The following FNDC3A variants were observed in gnomAD, a reference collection of about 807,000 sequenced individuals.
FNDC3A encodes fibronectin type-III domain-containing protein 3A.
A neutral mutation model predicts 148.9 loss-of-function variants in FNDC3A; 32 were observed. That is an observed-to-expected ratio of 0.21 (90% confidence interval 0.16 to 0.29). The LOEUF (loss-of-function observed/expected upper bound fraction) is 0.29. Ranked by LOEUF, FNDC3A falls within the 10% of genes least tolerant of loss-of-function variation. The pLI, the probability that FNDC3A is intolerant of heterozygous loss-of-function variation, is 1.00. For missense variants in FNDC3A, 1,191 were observed against 1,452.8 expected (o/e 0.82, Z 2.93); for synonymous variants, 472 against 473.6 (o/e 1.00, Z 0.04).
At chr13:49,091,365 G>T (rs1879181196) in intron 3 of FNDC3A, among the ~76,000 whole-genome samples, 4 of 151,590 alleles carry the variant, frequency 2.6e-5, no homozygotes. Flanking sequence ...AACAACTCCT[G>T]GGGCTGTGAA....
chr13:48,984,957 C>T (rs1951761362), intron 1 of FNDC3A, among the ~76,000 whole-genome samples: 1 of 152,184 alleles, frequency 6.6e-6, no homozygotes, highest in Non-Finnish European at 1.5e-5. Context: ...GCTGTGATTA[C>T]AGGCGTGAGC....
chr13:49,129,442 G>T (rs1344317297), intron 4 of FNDC3A, among the ~76,000 whole-genome samples: 2 of 152,178 alleles, frequency 1.3e-5, no homozygotes, highest in African/African-American at 4.8e-5. Flanking sequence ...TTTAAGATTT[G>T]TGAATTGGAG....
intron 14 of FNDC3A, among the ~76,000 whole-genome samples, chr13:49,181,030 ATGATCG>A (rs1236252219): frequency 6.6e-6 from 1 of 152,212 alleles, no homozygotes; most frequent in Non-Finnish European, 1.5e-5. Flanking sequence ...GTAGTGAGCT[ATGATCG>A]TGTCACTGCA....
chr13:49,081,968 CT>C (rs11332071), intron 3 of FNDC3A, among the ~76,000 whole-genome samples: 138,289 of 144,614 alleles, frequency 0.96, 66,267 homozygotes, highest in Non-Finnish European at 0.99. Context: ...AAATCAGTAC[CT>C]TTTTTTTTTT....
At chr13:49,187,805 C>A in intron 16 of FNDC3A, 1 of 637,292 alleles carries the variant, frequency 1.6e-6, no homozygotes, top group Non-Finnish European at 2.8e-6. Flanking sequence ...CTGTTATGAT[C>A]CACTTTAAAT....
intron 3 of FNDC3A, among the ~76,000 whole-genome samples, chr13:49,089,853 T>G (rs188985058): frequency 6.6e-6 from 1 of 152,236 alleles, no homozygotes; most frequent in Non-Finnish European, 1.5e-5. Flanking sequence ...AACCACTGTT[T>G]GTTACACAGC....
rs1292673470 is a variant in FNDC3A at position 49,186,097 on chromosome 13, C to G, written c.1751C>G (p.Thr584Ser). ...GKIHSHSFKITWDPPKDNGGA... is the reference protein window; with the variant it reads ...GKIHSHSFKISWDPPKDNGGA... ...ATACATTCACACAGTTTTAAAATAA[C>G]CTGGGGTAAGATATTATGCATGTTT... is the stretch of plus-strand genomic sequence containing the variant. The change falls in exon 15 of 26, where the codon ACC (threonine) becomes AGC (serine). Residue 584 changes from threonine (T) to serine (S), a missense_variant. Thr to Ser is a moderately conservative substitution (Grantham distance 58). Coordinates refer to ENST00000492622, the MANE Select transcript of FNDC3A (RefSeq NM_001079673.2). 1 of 1,609,242 alleles carries G rather than the reference C, an allele frequency of 6.2e-7. No individual in the cohort carries two copies. The highest frequency in any genetic ancestry group is 1.1e-5 in the South Asian group (1 of 90,568).
intron 2 of FNDC3A, among the ~76,000 whole-genome samples, chr13:49,070,698 A>C (rs1235655821): frequency 6.6e-6 from 1 of 152,020 alleles, no homozygotes; most frequent in African/African-American, 2.4e-5. Flanking sequence ...ATTTCTTCTC[A>C]ATCTCACACC....
chr13:49,097,402 T>C (rs1312629098), intron 3 of FNDC3A, among the ~76,000 whole-genome samples: 1 of 151,920 alleles, frequency 6.6e-6, no homozygotes, highest in East Asian at 1.9e-4. Context: ...ACAACACTGG[T>C]TGAGGAAACG....
chr13:49,048,192 T>C (rs1469127385), intron 2 of FNDC3A, among the ~76,000 whole-genome samples: 1 of 152,158 alleles, frequency 6.6e-6, no homozygotes, highest in Non-Finnish European at 1.5e-5. Flanking sequence ...TTGGTGACTT[T>C]ATAATATAGT....
chr13:49,080,734 G>A (rs1878415201), intron 3 of FNDC3A, among the ~76,000 whole-genome samples: 1 of 152,144 alleles, frequency 6.6e-6, no homozygotes, highest in Admixed American at 6.5e-5. Flanking sequence ...TGAAAAATAG[G>A]GAATTAGGCA....
chr13:49,051,007 T>G (rs1875800769), intron 2 of FNDC3A, among the ~76,000 whole-genome samples: 1 of 152,234 alleles, frequency 6.6e-6, no homozygotes, highest in Non-Finnish European at 1.5e-5. Context: ...AATGTCTTTT[T>G]CAGCCCCTTT....
chr13:49,143,995 A>ACTACTG (rs1238217978), intron 7 of FNDC3A, among the ~76,000 whole-genome samples: 4 of 149,490 alleles, frequency 2.7e-5, no homozygotes, highest in South Asian at 2.1e-4. Flanking sequence ...TACTACTACT[A>ACTACTG]CTACTACTAC....
At chr13:49,017,858 C>A (rs1043864401) in intron 2 of FNDC3A, among the ~76,000 whole-genome samples, 74 of 151,906 alleles carry the variant, frequency 4.9e-4, no homozygotes, top group Non-Finnish European at 9.6e-4. Flanking sequence ...CCTTCACTTA[C>A]GAAGCTTAGT....
rs770515459 is a variant in FNDC3A at position 49,198,358 on chromosome 13, T to C, written c.2775-4T>C. 1.9e-6 allele frequency: 3 copies of C among 1,613,952 alleles called. No individual in the cohort carries two copies. Among genetic ancestry groups the C allele is most frequent in the East Asian group, 4.5e-5 (2 of 44,876 alleles). Reference sequence around the variant, plus strand: ...CCAAACTTTTTTTCTTATGTGGCACTTAGAATACGAATTCAAGCCTTGAAT... The same window carrying C: ...CCAAACTTTTTTTCTTATGTGGCACCTAGAATACGAATTCAAGCCTTGAAT... On this transcript the variant is annotated splice_region_variant and splice_polypyrimidine_tract_variant and intron_variant, in intron 22 of 25. Coordinates refer to ENST00000492622, the MANE Select transcript of FNDC3A (RefSeq NM_001079673.2).
At chr13:49,178,463 A>G (rs533392543) in intron 13 of FNDC3A, 105 bp from the exon 14 acceptor site, 1 of 705,206 alleles carries the variant, frequency 1.4e-6, no homozygotes, top group East Asian at 2.7e-5. Context: ...GTCATATTGC[A>G]CATAGTAGAA....
At chr13:49,136,248 G>A in intron 5 of FNDC3A, 84 bp from the exon 6 acceptor site, 1 of 1,172,868 alleles carries the variant, frequency 8.5e-7, no homozygotes, top group African/African-American at 1.5e-5. Context: ...TTATATGATA[G>A]ATTTATTTTC....
chr13:49,026,305 T>C (rs1873706939), intron 2 of FNDC3A, among the ~76,000 whole-genome samples: 1 of 152,098 alleles, frequency 6.6e-6, no homozygotes, highest in Non-Finnish European at 1.5e-5. Context: ...TTCGGAAAAA[T>C]GATCTGTAAT....
intron 1 of FNDC3A, among the ~76,000 whole-genome samples, chr13:49,004,876 A>T (rs1305382848): frequency 6.6e-6 from 1 of 151,908 alleles, no homozygotes; most frequent in Non-Finnish European, 1.5e-5. Context: ...GAAATAATAC[A>T]TTTATTCTTT....
Sources: allele counts gnomAD v4.1 joint callset (sites outside exome capture counted in the v4.1 genomes callset), GRCh38; gene constraint gnomAD v4.1.1; transcripts MANE v1.5; gene names NCBI Gene and HGNC (gene_info 2026-07-23, HGNC 2026-07-21).